Variants in COL13A1 observed in about 807,000 individuals in gnomAD.
COL13A1 encodes the protein collagen alpha-1(XIII) chain.
COL13A1 carries 89 observed loss-of-function variants against 130.9 expected under a neutral mutation model. The observed-to-expected ratio is 0.68, with a 90% CI of 0.57 to 0.81. COL13A1 has a LOEUF of 0.81. COL13A1 is among the 30% of genes least tolerant of loss of function. The pLI is 0.00. For missense variants in COL13A1, 879 were observed against 934.6 expected (o/e 0.94, Z 0.78); for synonymous variants, 402 against 341.6 (o/e 1.18, Z -1.95).
chr10:69,940,868 C>T, intron 34 of COL13A1, 120 bp from the exon 35 acceptor site: 2 of 1,341,410 alleles, frequency 1.5e-6, no homozygotes, highest in Non-Finnish European at 2.1e-6. Flanking sequence ...GTTTGATTAC[C>T]AGCATTTATG....
chr10:69,937,009 G>T (rs2067015181), intron 33 of COL13A1, among the ~76,000 whole-genome samples: 1 of 152,194 alleles, frequency 6.6e-6, no homozygotes, highest in African/African-American at 2.4e-5. Flanking sequence ...AAAGGGACAG[G>T]TTAGATTCTT....
At chr10:69,945,100 C>T (rs1402982906) in intron 36 of COL13A1, among the ~76,000 whole-genome samples, 1 of 152,164 alleles carries the variant, frequency 6.6e-6, no homozygotes, top group Non-Finnish European at 1.5e-5. Context: ...TCCCAGCCAG[C>T]CCCTGGGTTC....
Position 69,951,952 on chromosome 10 carries a change from T to C in COL13A1, c.2059-930T>C, listed in dbSNP as rs148788547. On this transcript the variant is annotated intron_variant, in intron 38 of 40. Coordinates refer to ENST00000645393, the MANE Select transcript of COL13A1 (RefSeq NM_001368882.1). Reference sequence around the variant, plus strand: ...TAGGAAACACATATAAAAATGCAAATGCAAATTCATTACAGAAGTGATGCT... The same window carrying C: ...TAGGAAACACATATAAAAATGCAAACGCAAATTCATTACAGAAGTGATGCT... Among the ~76,000 whole-genome samples the C allele has an allele frequency of 1.6e-3, 246 of 152,308 alleles. 1 individual carries two copies. Among genetic ancestry groups the C allele is most frequent in the African/African-American group, 5.6e-3 (232 of 41,558 alleles).
intron 6 of COL13A1, among the ~76,000 whole-genome samples, 163 bp downstream of exon 6, chr10:69,878,228 CCATAA>C (rs1249373242): frequency 1.3e-5 from 2 of 152,232 alleles, no homozygotes; most frequent in African/African-American, 4.8e-5. Flanking sequence ...CTAACAGCTT[CCATAA>C]CATCGGGCAG....
intron 2 of COL13A1, among the ~76,000 whole-genome samples, chr10:69,824,866 G>C (rs1424131876): frequency 1.3e-5 from 2 of 152,234 alleles, no homozygotes; most frequent in Non-Finnish European, 2.9e-5. Flanking sequence ...GGCAAAATCA[G>C]AGGGAACTAA....
chr10:69,811,191 C>T (rs768247674), intron 1 of COL13A1, among the ~76,000 whole-genome samples: 7 of 152,218 alleles, frequency 4.6e-5, no homozygotes, highest in Non-Finnish European at 8.8e-5. Context: ...TCTGCCCACA[C>T]GCTCCTTCCT....
intron 2 of COL13A1, among the ~76,000 whole-genome samples, chr10:69,837,373 G>A (rs1027860080): frequency 1.3e-5 from 2 of 152,204 alleles, no homozygotes; most frequent in Admixed American, 6.5e-5. Flanking sequence ...GCACTGGTGT[G>A]TCAGCCAATG....
chr10:69,879,775 C>T (rs2059946959), intron 6 of COL13A1, among the ~76,000 whole-genome samples: 1 of 152,176 alleles, frequency 6.6e-6, no homozygotes, highest in Admixed American at 6.5e-5. Context: ...CTCAGCCACC[C>T]TTGACAGCAC....
intron 7 of COL13A1, among the ~76,000 whole-genome samples, chr10:69,885,118 G>T (rs2060483948): frequency 6.6e-6 from 1 of 152,180 alleles, no homozygotes; most frequent in Non-Finnish European, 1.5e-5. Flanking sequence ...AAGCATGAGT[G>T]AACATTTTAT....
In COL13A1 at chr10:69,802,321, A is replaced by G. The variant is rs1840213823; in HGVS notation, c.-103A>G. The G allele has an allele frequency of 8.0e-7, 1 of 1,256,176 alleles. No individual in the cohort carries two copies. The highest frequency in any genetic ancestry group is 1.0e-6 in the Non-Finnish European group (1 of 972,076). 77.8% of individuals were successfully genotyped at this position (1,256,176 alleles called of 1,614,324 possible). A position where few individuals can be genotyped will look rare whatever the true frequency, so the allele number is the denominator to read the frequency against. On this transcript the variant is annotated 5_prime_UTR_variant, in exon 1 of 41. Transcript: ENST00000645393. ...GAAAGGGACGTTTTCCAGCGATACAAGCCCTTTCCCCCTGCCCCGCAGTTT... is the reference window on the plus strand; with the variant it reads ...GAAAGGGACGTTTTCCAGCGATACAGGCCCTTTCCCCCTGCCCCGCAGTTT...
intron 17 of COL13A1, among the ~76,000 whole-genome samples, chr10:69,916,231 G>A (rs2063903219): frequency 6.6e-6 from 1 of 152,206 alleles, no homozygotes; most frequent in South Asian, 2.1e-4. Flanking sequence ...AGCCTGGCCT[G>A]GCAGCCACAG....
chr10:69,808,465 G>A lies in COL13A1; in HGVS notation c.294+5748G>A, dbSNP rs34208853. On this transcript the variant is annotated intron_variant, in intron 1 of 40. Transcript: ENST00000645393. ...TTGTTGGCTTTCCTTATCCCAAACG[G>A]TAGCAGATACTACTCATCGCTCAAT... 9.6e-3 allele frequency among the ~76,000 whole-genome samples: 1,461 copies of A among 152,272 alleles called. 11 individuals are homozygous for A. Among genetic ancestry groups the A allele is most frequent in the Middle Eastern group, 0.017 (5 of 294 alleles).
At chr10:69,942,275 A>G (rs1589677937) in intron 35 of COL13A1, among the ~76,000 whole-genome samples, 1 of 152,120 alleles carries the variant, frequency 6.6e-6, no homozygotes, top group East Asian at 1.9e-4. Context: ...ACCTCCCTGC[A>G]CTGATGGAGT....
At chr10:69,907,296 C>T (rs2062861192) in intron 17 of COL13A1, among the ~76,000 whole-genome samples, 1 of 152,158 alleles carries the variant, frequency 6.6e-6, no homozygotes, top group African/African-American at 2.4e-5. Flanking sequence ...AATGAGAAAA[C>T]TGTGTGTCTT....
intron 6 of COL13A1, among the ~76,000 whole-genome samples, chr10:69,878,796 A>C (rs983272031): frequency 3.9e-5 from 6 of 152,248 alleles, no homozygotes; most frequent in Admixed American, 2.6e-4. Flanking sequence ...CAACACTTCT[A>C]AAGAGTTCAC....
chr10:69,947,233 G>T, intron 37 of COL13A1, 74 bp from the exon 38 acceptor site: 1 of 1,361,850 alleles, frequency 7.3e-7, no homozygotes, highest in Admixed American at 1.7e-5. Flanking sequence ...AGTTTGATGA[G>T]CCTGGAAGAA....
chr10:69,864,022 T>C (rs2133894833), intron 2 of COL13A1, among the ~76,000 whole-genome samples: 1 of 152,144 alleles, frequency 6.6e-6, no homozygotes, highest in South Asian at 2.1e-4. Context: ...TGAGCCGTGA[T>C]TGCACCACTG....
chr10:69,876,863 T>TC lies in COL13A1; in HGVS notation c.436-1172dup, dbSNP rs761906855. ...CTCCCAGGGAAGCTTCAGGAGCCTC[T>TC]CCCCTGAGTGCAGAGACAGGCCCAC... On this transcript the variant is annotated intron_variant, in intron 5 of 40. Transcript: ENST00000645393. Among the ~76,000 whole-genome samples, 12 of 152,272 alleles carry TC rather than the reference T, an allele frequency of 7.9e-5. No individual in the cohort carries two copies. The East Asian group carries it at 2.1e-3, about 27-fold the overall frequency.
At chr10:69,925,742 C>A in intron 25 of COL13A1, 62 bp from the exon 26 acceptor site, 1 of 1,299,948 alleles carries the variant, frequency 7.7e-7, no homozygotes, top group African/African-American at 1.5e-5. Flanking sequence ...GAGAGCAGGC[C>A]ACAGTTGCCC....
Sources: gnomAD v4.1 joint callset for allele counts (sites outside exome capture counted in the v4.1 genomes callset) on GRCh38, gnomAD v4.1.1 for gene constraint, MANE v1.5 for transcripts, NCBI Gene and HGNC (gene_info 2026-07-23, HGNC 2026-07-21) for gene names.